REC114: variants seen among roughly 807,000 people sequenced by gnomAD.
REC114 encodes REC114 meiotic recombination protein.
In REC114, 27 loss-of-function variants were observed where a neutral mutation model predicts 31.3. The ratio of observed to expected loss-of-function variants is 0.86; its 90% CI spans 0.64 to 1.19. REC114 has a LOEUF of 1.19. Among genes scored for constraint, REC114 ranks in the 50% most tolerant of loss-of-function variants. The probability of loss-of-function intolerance (pLI) is 0.00; values close to 1 mark genes in which losing one functional copy is unlikely to be tolerated. For missense variants in REC114, 344 were observed against 326.9 expected (o/e 1.05, Z -0.40); for synonymous variants, 134 against 127.7 (o/e 1.05, Z -0.33).
At chr15:73,477,644 C>T (rs954741675) in intron 2 of REC114, among the ~76,000 whole-genome samples, 1 of 152,108 alleles carries the variant, frequency 6.6e-6, no homozygotes, top group Non-Finnish European at 1.5e-5. Context: ...TCTCAAACTC[C>T]TGGACTCAGG....
chr15:73,535,974 T>C (rs1007718804), intron 2 of REC114, among the ~76,000 whole-genome samples: 5 of 149,712 alleles, frequency 3.3e-5, no homozygotes, highest in Non-Finnish European at 5.9e-5. Context: ...GCTAGCCATA[T>C]GTAGAAAGCT....
chr15:73,501,799 T>G (rs1005442122), intron 2 of REC114, among the ~76,000 whole-genome samples: 7 of 152,140 alleles, frequency 4.6e-5, no homozygotes, highest in Non-Finnish European at 1.0e-4. Context: ...GCAAGCTGAT[T>G]TTATGTTTGG....
intron 2 of REC114, among the ~76,000 whole-genome samples, chr15:73,487,778 C>T (rs958085507): frequency 4.6e-5 from 7 of 152,334 alleles, no homozygotes; most frequent in African/African-American, 1.4e-4. Context: ...TAGACATTGC[C>T]CTAATAGGGA....
intron 2 of REC114, among the ~76,000 whole-genome samples, chr15:73,520,207 G>T (rs79474150): frequency 2.0e-5 from 3 of 151,684 alleles, no homozygotes; most frequent in African/African-American, 7.3e-5. Flanking sequence ...TGGACTAATT[G>T]TATCTCTTTT....
chr15:73,546,174 A>C (rs1448774213), intron 3 of REC114, among the ~76,000 whole-genome samples: 1 of 152,202 alleles, frequency 6.6e-6, no homozygotes, highest in African/African-American at 2.4e-5. Context: ...GTAATCAAAG[A>C]AATGAAATTT....
At chr15:73,506,680 G>A (rs1410433950) in intron 2 of REC114, among the ~76,000 whole-genome samples, 1 of 152,070 alleles carries the variant, frequency 6.6e-6, no homozygotes, top group African/African-American at 2.4e-5. Flanking sequence ...AAATCTTTTG[G>A]GGGGATAAGT....
At chr15:73,503,357 C>A (rs1336375544) in intron 2 of REC114, among the ~76,000 whole-genome samples, 1 of 152,052 alleles carries the variant, frequency 6.6e-6, no homozygotes, top group African/African-American at 2.4e-5. Context: ...TATGTTTATA[C>A]CTCAACTTTT....
intron 4 of REC114, among the ~76,000 whole-genome samples, chr15:73,555,451 G>A (rs931177939): frequency 6.6e-6 from 1 of 152,120 alleles, no homozygotes; most frequent in African/African-American, 2.4e-5. Context: ...AGCATCCCAT[G>A]TCCTACCCGA....
At chr15:73,550,913 T>C in intron 3 of REC114, 25 bp from the exon 4 acceptor site, 1 of 1,607,246 alleles carries the variant, frequency 6.2e-7, no homozygotes, top group Non-Finnish European at 8.5e-7. Flanking sequence ...GGGTCTCTCA[T>C]GATAACTTTT....
chr15:73,491,041 T>C (rs919664251), intron 2 of REC114, among the ~76,000 whole-genome samples: 1 of 152,208 alleles, frequency 6.6e-6, no homozygotes, highest in African/African-American at 2.4e-5. Context: ...TGTTCTTTTT[T>C]TGTTGATTTG....
At chr15:73,553,399 G>A (rs1894419161) in intron 4 of REC114, among the ~76,000 whole-genome samples, 1 of 151,970 alleles carries the variant, frequency 6.6e-6, no homozygotes, top group Non-Finnish European at 1.5e-5. Context: ...CCTACAAATG[G>A]GTTGGTTGTT....
intron 3 of REC114, among the ~76,000 whole-genome samples, chr15:73,541,847 A>T (rs1263400573): frequency 6.6e-6 from 1 of 152,200 alleles, no homozygotes; most frequent in African/African-American, 2.4e-5. Flanking sequence ...CATTATTACT[A>T]AAATTTTAAA....
intron 2 of REC114, among the ~76,000 whole-genome samples, chr15:73,528,272 T>C (rs2141323337): frequency 6.6e-6 from 1 of 152,326 alleles, no homozygotes; most frequent in South Asian, 2.1e-4. Context: ...AAAATTACCA[T>C]TTTGCAACCC....
At chr15:73,522,532 A>G (rs1893951043) in intron 2 of REC114, among the ~76,000 whole-genome samples, 1 of 152,086 alleles carries the variant, frequency 6.6e-6, no homozygotes, top group African/African-American at 2.4e-5. Context: ...GGTTTCATAT[A>G]ATCTGTATTA....
chr15:73,550,237 T>C (rs910012920), intron 3 of REC114, among the ~76,000 whole-genome samples: 8 of 152,226 alleles, frequency 5.3e-5, no homozygotes, highest in Non-Finnish European at 7.3e-5. Flanking sequence ...GTTTTTACAC[T>C]TAGATGTTTT....
At chr15:73,514,477 GCA>G (rs1384781918) in intron 2 of REC114, among the ~76,000 whole-genome samples, 3 of 152,000 alleles carry the variant, frequency 2.0e-5, no homozygotes, top group Admixed American at 1.3e-4. Context: ...CCCCGCCACA[GCA>G]CAGTTTCTAA....
At chr15:73,539,453 GCTA>G (rs1227360334) in intron 2 of REC114, among the ~76,000 whole-genome samples, 34 of 137,472 alleles carry the variant, frequency 2.5e-4, no homozygotes, top group South Asian at 1.3e-3. Flanking sequence ...ACCACGCCCG[GCTA>G]CTTTTTTTTT....
rs193184829 is a variant in REC114 at position 73,461,344 on chromosome 15, C to G, written c.160-12488C>G. Among the ~76,000 whole-genome samples, 18 of 152,192 alleles carry G rather than the reference C, an allele frequency of 1.2e-4. No individual in the cohort carries two copies. In the East Asian group the frequency reaches 3.5e-3, roughly 29 times the overall value. On this transcript the variant is annotated intron_variant, in intron 1 of 5. Transcript: ENST00000331090. ...GTTGATAGCCTACTTAGCAATTTTG[C>G]ACACTTTTCATATTTTATAGTGCAT...
At chr15:73,504,661 A>T (rs1405600497) in intron 2 of REC114, among the ~76,000 whole-genome samples, 3 of 152,116 alleles carry the variant, frequency 2.0e-5, no homozygotes, top group Non-Finnish European at 2.9e-5. Flanking sequence ...ACTTTTTCTC[A>T]GGAATATACT....
Sources: gnomAD v4.1 joint callset for allele counts (sites outside exome capture counted in the v4.1 genomes callset) on GRCh38, gnomAD v4.1.1 for gene constraint, MANE v1.5 for transcripts, NCBI Gene and HGNC (gene_info 2026-07-23, HGNC 2026-07-21) for gene names.